Variants in LMF1 observed in about 807,000 individuals in gnomAD.
LMF1 encodes the protein lipase maturation factor 1.
Under a neutral mutation model 60.6 loss-of-function variants are expected in LMF1, and 68 were observed. The ratio of observed to expected loss-of-function variants is 1.12; its 90% confidence interval spans 0.92 to 1.37. The LOEUF (loss-of-function observed/expected upper bound fraction) is 1.37. LMF1 is among the 40% of genes most tolerant of loss of function. The pLI is 0.00. For synonymous variants in LMF1, 418 were observed against 324.7 expected (o/e 1.29, Z -3.09); for missense variants, 948 against 767.2 (o/e 1.24, Z -2.78).
At position 954,567 on chromosome 16, in the gene LMF1, A is replaced by T; in HGVS notation, c.293T>A (p.Phe98Tyr). 1 of 1,613,294 alleles carries T rather than the reference A, an allele frequency of 6.2e-7. No homozygotes were observed. Among genetic ancestry groups the T allele is most frequent in the African/African-American group, 1.3e-5 (1 of 75,054 alleles). Residue 98 changes from phenylalanine to tyrosine, a missense_variant, in exon 2 of 11, where the codon TTC becomes TAC. Phe to Tyr is a conservative substitution (Grantham distance 22, BLOSUM62 3). Coordinates refer to ENST00000262301, the MANE Select transcript of LMF1 (RefSeq NM_022773.4). ...RVFLKNFQQY[F>Y]QDRTSWEVFS... is the part of the protein sequence containing the mutation. The stretch of plus-strand genomic sequence containing the variant: ...GACTTCCCAGCTCGTCCTGTCCTGG[A>T]AGTACTGCTGGAAGTTCTTCAGGAA...
intron 4 of LMF1, chr16:899,565 A>G (rs1226380364): frequency 1.3e-5 from 2 of 152,360 alleles, no homozygotes; most frequent in East Asian, 3.9e-4. Context: ...ACAGGGCTGC[A>G]TGCCGATACC....
intron 3 of LMF1, among the ~76,000 whole-genome samples, chr16:915,973 G>A (rs1227874304): frequency 3.3e-5 from 5 of 152,164 alleles, no homozygotes; most frequent in South Asian, 2.1e-4. Flanking sequence ...GCAGAGGCTC[G>A]GAGGGTGCAG....
intron 2 of LMF1, among the ~76,000 whole-genome samples, chr16:951,497 A>C (rs1234920585): frequency 6.6e-6 from 1 of 152,268 alleles, no homozygotes; most frequent in Non-Finnish European, 1.5e-5. Context: ...GAGCAGAGTC[A>C]GAGTCCTCTC....
intron 2 of LMF1, among the ~76,000 whole-genome samples, chr16:936,953 G>T (rs1013573777): frequency 4.6e-5 from 7 of 152,178 alleles, no homozygotes; most frequent in Non-Finnish European, 8.8e-5. Context: ...CTGGGCGACA[G>T]GGCGGGAGAT....
intron 3 of LMF1, chr16:931,644 C>T: frequency 7.8e-7 from 1 of 1,287,008 alleles, no homozygotes; most frequent in Non-Finnish European, 1.0e-6. Context: ...AGTCATACCT[C>T]AGTAACTGGC....
chr16:857,171 A>G (rs886883684), intron 10 of LMF1, among the ~76,000 whole-genome samples: 1 of 152,146 alleles, frequency 6.6e-6, no homozygotes, highest in South Asian at 2.1e-4. Flanking sequence ...TCTCTTGTGG[A>G]AGGACAGCTG....
intron 2 of LMF1, among the ~76,000 whole-genome samples, chr16:943,087 C>T (rs1296562598): frequency 6.6e-6 from 1 of 152,190 alleles, no homozygotes; most frequent in Admixed American, 6.5e-5. Flanking sequence ...GATTCAGAGT[C>T]TCGGCCGGGC....
chr16:853,777 G>A lies in LMF1; in HGVS notation c.*755C>T, dbSNP rs768350909. Reference sequence around the variant, plus strand: ...AAGTGTGCACGGCCGGCTGTCCTCCGATTGAGGGGCCTTGTCAAGGCCTCA... The same window carrying A: ...AAGTGTGCACGGCCGGCTGTCCTCCAATTGAGGGGCCTTGTCAAGGCCTCA... On this transcript the variant is annotated 3_prime_UTR_variant, in exon 11 of 11. Coordinates refer to ENST00000262301, the MANE Select transcript of LMF1 (RefSeq NM_022773.4). The A allele has an allele frequency of 5.9e-5, 27 of 454,140 alleles. 1 individual carries two copies. The highest frequency in any genetic ancestry group is 1.7e-4 in the South Asian group (11 of 64,474). The allele number at this position is 454,140 out of a possible 1,614,324, so 28.1% of individuals were successfully genotyped here.
At chr16:866,707 G>A (rs2069619226) in intron 10 of LMF1, among the ~76,000 whole-genome samples, 1 of 152,166 alleles carries the variant, frequency 6.6e-6, no homozygotes, top group Non-Finnish European at 1.5e-5. Context: ...GTGTTGCCTG[G>A]AGTGGTGATT....
At position 955,093 on chromosome 16, in the gene LMF1, G is replaced by A. The variant is rs199876689; in HGVS notation, c.194-427C>T. On this transcript the variant is annotated intron_variant, in intron 1 of 10. Coordinates refer to ENST00000262301, the MANE Select transcript of LMF1 (RefSeq NM_022773.4). ...CATAAAATGCGTGCCCGCAGCAGAC[G>A]CGGTGTGTGCACACACACACACACA... Among the ~76,000 whole-genome samples the A allele has an allele frequency of 5.4e-3, 374 of 69,088 alleles. 8 individuals carry two copies. The highest frequency in any genetic ancestry group is 0.012 in the African/African-American group (123 of 10,566). 45.3% of individuals were successfully genotyped at this position (69,088 alleles called of 152,430 possible).
chr16:979,734 C>A (rs1216407576), intron 1 of LMF1: 2 of 454,032 alleles, frequency 4.4e-6, no homozygotes, highest in Non-Finnish European at 8.8e-6. Flanking sequence ...ACCCGGATGG[C>A]ACTGTGAGCC....
At chr16:860,482 G>A (rs1049710687) in intron 10 of LMF1, among the ~76,000 whole-genome samples, 2 of 152,060 alleles carry the variant, frequency 1.3e-5, no homozygotes, top group African/African-American at 4.8e-5. Flanking sequence ...TGGGACTACA[G>A]GCATGTGCCA....
rs7200118 is a variant in LMF1, at chr16:855,016, G to A, written c.1530-310C>T. 432 of 480,286 alleles carry A rather than the reference G, an allele frequency of 9.0e-4. 1 individual carries two copies. The highest frequency in any genetic ancestry group is 1.5e-3 in the Non-Finnish European group (383 of 259,840). The allele number at this position is 480,286 out of a possible 1,614,324, so 29.8% of individuals were successfully genotyped here. Reference sequence around the variant, plus strand: ...GCCCGGGGAAGGCCAGGAGCTTCACGGGTGGCACTGAGCAAGCCTGAGACC... The same window carrying A: ...GCCCGGGGAAGGCCAGGAGCTTCACAGGTGGCACTGAGCAAGCCTGAGACC... On this transcript the variant is annotated intron_variant, in intron 10 of 10. Transcript: ENST00000262301.
At chr16:943,148 G>C (rs1191032243) in intron 2 of LMF1, among the ~76,000 whole-genome samples, 2 of 151,972 alleles carry the variant, frequency 1.3e-5, no homozygotes, top group Non-Finnish European at 2.9e-5. Flanking sequence ...GAGGCGGGTG[G>C]ATCACAAGGT....
chr16:871,355 G>C lies in LMF1; in HGVS notation c.898-14C>G, dbSNP rs556303155. On this transcript the variant is annotated splice_polypyrimidine_tract_variant and intron_variant, in intron 6 of 10. Transcript: ENST00000262301. ...GATGAGGACGGCCTGTGGAGACGCC[G>C]CAGCTGAGTCTCGTGCAGGGGCTCG... 1.4e-5 allele frequency: 22 copies of C among 1,610,806 alleles called. No individual in the cohort carries two copies. The highest frequency in any genetic ancestry group is 1.7e-5 in the Admixed American group (1 of 59,946).
In LMF1 at chr16:870,003, G is replaced by A. The variant is rs144245004; in HGVS notation, c.1296C>T (p.Pro432=). ...ACTCGTAGTCCTCCCACATGGCATC[G>A]GGGGCGCTGGCGTTGGAGCTGGCTG... is the stretch of plus-strand genomic sequence containing the variant. ...QGTASSNASA[P]DAMWEDYEFK... Residue 432 remains proline, a synonymous_variant, in exon 9 of 11, where the codon CCC becomes CCT. Coordinates refer to ENST00000262301, the MANE Select transcript of LMF1 (RefSeq NM_022773.4). 3.1e-5 allele frequency: 50 copies of A among 1,612,980 alleles called. No homozygotes were observed. Among genetic ancestry groups the A allele is most frequent in the East Asian group, 4.5e-5 (2 of 44,886 alleles).
In LMF1 at chr16:870,721, G is replaced by A. The variant is rs1425175492; in HGVS notation, c.1232+8C>T. On this transcript the variant is annotated splice_region_variant and intron_variant, in intron 8 of 10. Transcript: ENST00000262301. ...CAGCTCCGGGGGACGGGGACCCCAGGCTCATACCTTCCGAAGGCCCCGTAA... is the reference window on the plus strand; with the variant it reads ...CAGCTCCGGGGGACGGGGACCCCAGACTCATACCTTCCGAAGGCCCCGTAA... 1 of 1,612,420 alleles carries A rather than the reference G, an allele frequency of 6.2e-7. No homozygotes were observed. Among genetic ancestry groups the A allele is most frequent in the South Asian group, 1.1e-5 (1 of 91,084 alleles).
intron 3 of LMF1, among the ~76,000 whole-genome samples, chr16:919,462 C>T (rs989456109): frequency 1.3e-5 from 2 of 152,210 alleles, no homozygotes; most frequent in African/African-American, 2.4e-5. Context: ...AAGCTCATAT[C>T]TCCAGCGCTC....
At chr16:950,781 C>T (rs1269308427) in intron 2 of LMF1, among the ~76,000 whole-genome samples, 1 of 108,276 alleles carries the variant, frequency 9.2e-6, no homozygotes, top group African/African-American at 4.6e-5. Context: ...GAGCCAACGA[C>T]AGAGTCAGCC....
Sources: gnomAD v4.1 joint callset for allele counts (sites outside exome capture counted in the v4.1 genomes callset) on GRCh38, gnomAD v4.1.1 for gene constraint, MANE v1.5 for transcripts, NCBI Gene and HGNC (gene_info 2026-07-23, HGNC 2026-07-21) for gene names.